MTREX: variants seen among roughly 807,000 people sequenced by gnomAD.
The protein encoded by MTREX is exosome RNA helicase MTR4.
Under a neutral mutation model 135.4 loss-of-function variants are expected in MTREX, and 76 were observed. The observed-to-expected ratio is 0.56, with a 90% CI of 0.47 to 0.68. The LOEUF (loss-of-function observed/expected upper bound fraction) is 0.68, where lower values mean the gene tolerates loss of function less well. MTREX is among the 30% of genes least tolerant of loss of function. The pLI, the probability that MTREX is intolerant of heterozygous loss-of-function variation, is 0.00. For missense variants in MTREX, 920 were observed against 1,262.1 expected (o/e 0.73, Z 4.11); for synonymous variants, 404 against 401.6 (o/e 1.01, Z -0.07).
chr5:55,337,908 G>A (rs1387105774), intron 5 of MTREX, among the ~76,000 whole-genome samples: 1 of 151,508 alleles, frequency 6.6e-6, no homozygotes, highest in East Asian at 1.9e-4. Context: ...AGTTTTTAGT[G>A]GTTATTTTGG....
At chr5:55,362,840 T>G (rs1182488104) in intron 15 of MTREX, among the ~76,000 whole-genome samples, 1 of 152,222 alleles carries the variant, frequency 6.6e-6, no homozygotes, top group African/African-American at 2.4e-5. Context: ...GGTATTATAT[T>G]TTTCCAGTAT....
intron 19 of MTREX, among the ~76,000 whole-genome samples, chr5:55,395,902 G>A (rs928384041): frequency 1.1e-4 from 16 of 152,162 alleles, no homozygotes; most frequent in East Asian, 1.9e-4. Flanking sequence ...ATCCTAGTTT[G>A]GTTCCATGGA....
chr5:55,367,873 A>G (rs1021437532), intron 16 of MTREX, among the ~76,000 whole-genome samples: 3 of 152,364 alleles, frequency 2.0e-5, no homozygotes, highest in Non-Finnish European at 2.9e-5. Context: ...TAGTCATCGT[A>G]AAAAGGAGAA....
chr5:55,358,405 A>G (rs1216708984), intron 14 of MTREX, among the ~76,000 whole-genome samples, 168 bp from the exon 15 acceptor site: 1 of 152,082 alleles, frequency 6.6e-6, no homozygotes, highest in Non-Finnish European at 1.5e-5. Flanking sequence ...CATGTTTTGC[A>G]TTTTTGTGCT....
chr5:55,348,329 C>G (rs777525213), intron 11 of MTREX, among the ~76,000 whole-genome samples: 1 of 152,154 alleles, frequency 6.6e-6, no homozygotes. Context: ...TTAATCCATT[C>G]ATGAGGACCC....
At chr5:55,379,632 T>A (rs1371662149) in intron 18 of MTREX, among the ~76,000 whole-genome samples, 1 of 151,850 alleles carries the variant, frequency 6.6e-6, no homozygotes, top group East Asian at 1.9e-4. Context: ...ACATGCATTG[T>A]TTTCATGTAG....
intron 19 of MTREX, among the ~76,000 whole-genome samples, chr5:55,392,633 TAAC>T (rs1368986040): frequency 1.3e-5 from 2 of 151,894 alleles, no homozygotes; most frequent in South Asian, 2.1e-4. Context: ...GCTAGGCAGT[TAAC>T]AACATTACCT....
chr5:55,400,227 T>C lies in MTREX; in HGVS notation c.2293-6T>C. 1 of 1,548,466 alleles carries C rather than the reference T, an allele frequency of 6.5e-7. No individual in the cohort carries two copies. Among genetic ancestry groups the C allele is most frequent in the South Asian group, 1.2e-5 (1 of 81,630 alleles). On this transcript the variant is annotated splice_region_variant and splice_polypyrimidine_tract_variant and intron_variant, in intron 20 of 26. Transcript: ENST00000230640. ...GATGAAAATGAATTTTACATATTTT[T>C]TTCAGGAAGTTCAGAAACGTTTTCC...
At chr5:55,318,210 G>A (rs1429146247) in intron 1 of MTREX, among the ~76,000 whole-genome samples, 1 of 152,130 alleles carries the variant, frequency 6.6e-6, no homozygotes, top group East Asian at 1.9e-4. Context: ...AGGCAATATG[G>A]CAATTCATCA....
At chr5:55,333,285 C>G (rs1384373325) in intron 5 of MTREX, among the ~76,000 whole-genome samples, 1 of 152,192 alleles carries the variant, frequency 6.6e-6, no homozygotes, top group Non-Finnish European at 1.5e-5. Context: ...GGTTCTCTAT[C>G]ACCCTAGTTA....
intron 1 of MTREX, among the ~76,000 whole-genome samples, chr5:55,313,120 A>G (rs927828198): frequency 6.6e-6 from 1 of 152,078 alleles, no homozygotes; most frequent in Non-Finnish European, 1.5e-5. Flanking sequence ...TTATAAATGT[A>G]TCATTTCTCG....
At chr5:55,344,952 AC>A in intron 9 of MTREX, 141 bp from the exon 10 acceptor site, 2 of 616,454 alleles carry the variant, frequency 3.2e-6, no homozygotes, top group Non-Finnish European at 5.7e-6. Flanking sequence ...AATACCTCTT[AC>A]CACAGATCAT....
Position 55,353,059 on chromosome 5 carries a change from G to T in MTREX, c.1432-109G>T, listed in dbSNP as rs1173248469. 1.8e-5 allele frequency: 10 copies of T among 555,288 alleles called. No homozygotes were observed. In the Admixed American group the frequency reaches 3.0e-4, roughly 16 times the overall value. 34.4% of individuals were successfully genotyped at this position (555,288 alleles called of 1,614,324 possible). A position where few individuals can be genotyped will look rare whatever the true frequency, so the allele number is the denominator to read the frequency against. ...AACATATTGTTTGTTATTTTTGTAG[G>T]ATCTCATTAACTAATTTTAAAGATT... is the stretch of plus-strand genomic sequence containing the variant. On this transcript the variant is annotated intron_variant, in intron 13 of 26. Coordinates refer to ENST00000230640, the MANE Select transcript of MTREX (RefSeq NM_015360.5).
At chr5:55,358,493 T>G (rs1034395207) in intron 14 of MTREX, 80 bp from the exon 15 acceptor site, 7 of 1,232,006 alleles carry the variant, frequency 5.7e-6, no homozygotes, top group Non-Finnish European at 7.8e-6. Flanking sequence ...TGTTATAAAT[T>G]TTATAAAAAG....
intron 26 of MTREX, 138 bp downstream of exon 26, chr5:55,423,120 C>T: frequency 1.6e-6 from 1 of 634,406 alleles, no homozygotes; most frequent in Non-Finnish European, 2.7e-6. Flanking sequence ...ACTAGTGTTT[C>T]TATAAAATTT....
At chr5:55,354,799 GGA>G (rs1749883920) in intron 14 of MTREX, among the ~76,000 whole-genome samples, 1 of 152,194 alleles carries the variant, frequency 6.6e-6, no homozygotes, top group Non-Finnish European at 1.5e-5. Flanking sequence ...AGGCAGCTGT[GGA>G]GAGAGGGAAT....
Position 55,414,249 on chromosome 5 carries a change from T to TTG in MTREX, c.2808+12_2808+13insGT, listed in dbSNP as rs1561213141. Reference sequence around the variant, plus strand: ...CTTCGTCAAATGCAGGTAAGGTTTTTTTTTTTTTTTTTTGAACTACATATT... The same window carrying TTG: ...CTTCGTCAAATGCAGGTAAGGTTTTTTGTTTTTTTTTTTTTGAACTACATATT... On this transcript the variant is annotated intron_variant, in intron 24 of 26. Transcript: ENST00000230640. 1 of 1,551,288 alleles carries TTG rather than the reference T, an allele frequency of 6.4e-7. No homozygotes were observed. The highest frequency in any genetic ancestry group is 2.3e-5 in the East Asian group (1 of 43,800).
chr5:55,358,634 G>A lies in MTREX; in HGVS notation c.1595G>A (p.Arg532Lys), dbSNP rs754069396. Residue 532 changes from arginine to lysine, a missense_variant, in exon 15 of 27, where the codon AGA (arginine) becomes AAA (lysine). Around this residue, in one of 6 missense-constraint regions of MTREX, gnomAD observed 46 missense variants for 116.8 expected, o/e 0.39. Coordinates refer to ENST00000230640, the MANE Select transcript of MTREX (RefSeq NM_015360.5). ...GCTGGAAGGAGAGGAATGGATGATA[G>A]AGGAATTGTAATTCTTATGGTAGAT... is the stretch of plus-strand genomic sequence containing the variant. ...GRAGRRGMDD[R>K]GIVILMVDEK... 1 of 1,606,124 alleles carries A rather than the reference G, an allele frequency of 6.2e-7. No individual in the cohort carries two copies.
chr5:55,422,131 A>G lies in MTREX; in HGVS notation c.2972-747A>G, dbSNP rs1751064429. On this transcript the variant is annotated intron_variant, in intron 25 of 26. Transcript: ENST00000230640. ...ATTTCATATATTAAAAATGAAGTCA[A>G]GCGTTTTAGATTTAGGCAGGTAGCA... is the stretch of plus-strand genomic sequence containing the variant. Among the ~76,000 whole-genome samples, 7 of 152,344 alleles carry G rather than the reference A, an allele frequency of 4.6e-5. No individual in the cohort carries two copies. In the South Asian group the frequency reaches 1.4e-3, roughly 32 times the overall value.
Sources: allele counts gnomAD v4.1 joint callset (sites outside exome capture counted in the v4.1 genomes callset), GRCh38; gene constraint gnomAD v4.1.1; regional missense constraint gnomAD v4.1.1; transcripts MANE v1.5; gene names NCBI Gene and HGNC (gene_info 2026-07-23, HGNC 2026-07-21).